KCNQ3: variants seen among roughly 807,000 people sequenced by gnomAD.
KCNQ3 encodes potassium voltage-gated channel subfamily Q member 3, also known as potassium voltage-gated channel subfamily KQT member 3.
A neutral mutation model predicts 92.5 loss-of-function variants in KCNQ3; 30 were observed. The ratio of observed to expected loss-of-function variants is 0.32; its 90% CI spans 0.24 to 0.44. The LOEUF (loss-of-function observed/expected upper bound fraction) is 0.44. Ranked by LOEUF, KCNQ3 falls within the 20% of genes least tolerant of loss-of-function variation. The probability of loss-of-function intolerance (pLI) is 1.00; values close to 1 mark genes in which losing one functional copy is unlikely to be tolerated. For missense variants in KCNQ3, 913 were observed against 1,140.3 expected (o/e 0.80, Z 2.87); for synonymous variants, 450 against 468.8 (o/e 0.96, Z 0.52).
chr8:132,409,623 C>T (rs1820594394), intron 1 of KCNQ3, among the ~76,000 whole-genome samples: 1 of 152,190 alleles, frequency 6.6e-6, no homozygotes, highest in African/African-American at 2.4e-5. Context: ...ACCTTCACAA[C>T]CTAATGTCTG....
At chr8:132,333,969 G>A (rs988444622) in intron 1 of KCNQ3, among the ~76,000 whole-genome samples, 2 of 151,746 alleles carry the variant, frequency 1.3e-5, no homozygotes, top group African/African-American at 2.4e-5. Flanking sequence ...TTGACCTCAA[G>A]TGACCCTCCC....
At chr8:132,347,440 T>A (rs1038670141) in intron 1 of KCNQ3, among the ~76,000 whole-genome samples, 2 of 152,158 alleles carry the variant, frequency 1.3e-5, no homozygotes, top group African/African-American at 4.8e-5. Flanking sequence ...AACAACACGG[T>A]TGTGTTCTTT....
intron 9 of KCNQ3, among the ~76,000 whole-genome samples, chr8:132,146,153 G>A (rs1400965566): frequency 6.6e-6 from 1 of 152,228 alleles, no homozygotes; most frequent in African/African-American, 2.4e-5. Flanking sequence ...TGAGGAGAAA[G>A]TATTTGAAGT....
chr8:132,479,920 C>T (rs1169999740), intron 1 of KCNQ3, among the ~76,000 whole-genome samples: 6 of 148,196 alleles, frequency 4.0e-5, no homozygotes, highest in Non-Finnish European at 7.4e-5. Context: ...GTTTTTTAAG[C>T]CCCTAGTGTG....
rs536777319 is a variant in KCNQ3, at chr8:132,353,045, C to T, written c.386+127102G>A. Among the ~76,000 whole-genome samples the T allele has an allele frequency of 1.3e-3, 194 of 152,104 alleles. 1 individual carries two copies. Among genetic ancestry groups the T allele is most frequent in the Middle Eastern group, 3.4e-3 (1 of 294 alleles). ...TTTGAGACCAGCCTGCCCAACATGG[C>T]GAAACACTGTCTCTACTGAAAATAC... On this transcript the variant is annotated intron_variant, in intron 1 of 14. Transcript: ENST00000388996.
intron 1 of KCNQ3, among the ~76,000 whole-genome samples, chr8:132,286,181 A>T (rs969858772): frequency 6.6e-6 from 1 of 152,186 alleles, no homozygotes; most frequent in Non-Finnish European, 1.5e-5. Context: ...GGGCCCCAGA[A>T]TACAGCCACT....
At chr8:132,424,171 C>A (rs929231566) in intron 1 of KCNQ3, among the ~76,000 whole-genome samples, 3 of 150,626 alleles carry the variant, frequency 2.0e-5, no homozygotes, top group Admixed American at 1.3e-4. Flanking sequence ...GCAAAGTGAA[C>A]TAGGGACAGA....
At chr8:132,420,025 C>A (rs984880482) in intron 1 of KCNQ3, among the ~76,000 whole-genome samples, 1 of 152,170 alleles carries the variant, frequency 6.6e-6, no homozygotes, top group Non-Finnish European at 1.5e-5. Flanking sequence ...TCTCACAGTT[C>A]TGGATACTGG....
chr8:132,378,885 A>C (rs772098559), intron 1 of KCNQ3, among the ~76,000 whole-genome samples: 1 of 152,242 alleles, frequency 6.6e-6, no homozygotes, highest in Non-Finnish European at 1.5e-5. Context: ...GTTTCCAAAC[A>C]TAATTGCAGA....
chr8:132,230,219 G>A (rs1814587794), intron 1 of KCNQ3, among the ~76,000 whole-genome samples: 1 of 152,144 alleles, frequency 6.6e-6, no homozygotes, highest in Non-Finnish European at 1.5e-5. Flanking sequence ...CTAGTAGGAA[G>A]TGACCCTGGA....
intron 1 of KCNQ3, among the ~76,000 whole-genome samples, chr8:132,284,742 A>T (rs1816628954): frequency 6.6e-6 from 1 of 152,194 alleles, no homozygotes; most frequent in Non-Finnish European, 1.5e-5. Flanking sequence ...CCTCGCCAAA[A>T]CTCATGTCAA....
intron 1 of KCNQ3, among the ~76,000 whole-genome samples, chr8:132,397,457 T>G (rs1361346548): frequency 6.6e-6 from 1 of 152,178 alleles, no homozygotes; most frequent in African/African-American, 2.4e-5. Context: ...GATGAGGGAA[T>G]CAGAATAAGA....
At chr8:132,302,572 C>T (rs150838694) in intron 1 of KCNQ3, among the ~76,000 whole-genome samples, 120 of 152,280 alleles carry the variant, frequency 7.9e-4, no homozygotes, top group African/African-American at 2.6e-3. Context: ...AAGGATGGTC[C>T]GGCTGGACAA....
At chr8:132,289,666 T>C (rs1172376162) in intron 1 of KCNQ3, among the ~76,000 whole-genome samples, 3 of 152,198 alleles carry the variant, frequency 2.0e-5, no homozygotes, top group Non-Finnish European at 1.5e-5. Context: ...ACATGTTCCA[T>C]GGGTAAAGAC....
rs1195934839 is a variant in KCNQ3 at position 132,283,092 on chromosome 8, C to CGTGTGTGTGTGTGTGTGT, written c.387-96929_387-96912dup. Among the ~76,000 whole-genome samples, 34 of 130,700 alleles carry CGTGTGTGTGTGTGTGTGT rather than the reference C, an allele frequency of 2.6e-4. 1 individual carries two copies. The highest frequency in any genetic ancestry group is 1.2e-3 in the South Asian group (5 of 4,030). The allele number at this position is 130,700 out of a possible 152,430, so 85.7% of individuals were successfully genotyped here. Reference sequence around the variant, plus strand: ...GATGAGGATCTCTCTCTCTCTCTCTCGTGTGTGTGTGTGTGTGTGTGTGTG... The same window carrying CGTGTGTGTGTGTGTGTGT: ...GATGAGGATCTCTCTCTCTCTCTCTCGTGTGTGTGTGTGTGTGTGTGTGTGTGTGTGTGTGTGTGTGTG... On this transcript the variant is annotated intron_variant, in intron 1 of 14. Coordinates refer to ENST00000388996, the MANE Select transcript of KCNQ3 (RefSeq NM_004519.4).
At chr8:132,194,265 A>G (rs1011137068) in intron 1 of KCNQ3, among the ~76,000 whole-genome samples, 1 of 152,222 alleles carries the variant, frequency 6.6e-6, no homozygotes, top group African/African-American at 2.4e-5. Context: ...CTTGGCCACC[A>G]TTACTGATCT....
At chr8:132,337,775 C>T (rs139466269) in intron 1 of KCNQ3, among the ~76,000 whole-genome samples, 146 of 152,288 alleles carry the variant, frequency 9.6e-4, no homozygotes, top group African/African-American at 3.3e-3. Context: ...TGCCTAGGCC[C>T]ATGCCTGGCA....
chr8:132,378,705 A>G (rs1819672078), intron 1 of KCNQ3, among the ~76,000 whole-genome samples: 1 of 152,208 alleles, frequency 6.6e-6, no homozygotes, highest in Non-Finnish European at 1.5e-5. Context: ...GATCTTGACT[A>G]GGCCAGAGGA....
Position 132,308,968 on chromosome 8 carries a change from G to A in KCNQ3, c.387-122787C>T, listed in dbSNP as rs148367860. 9.9e-3 allele frequency among the ~76,000 whole-genome samples: 1,509 copies of A among 152,312 alleles called. 11 individuals are homozygous for A. Among genetic ancestry groups the A allele is most frequent in the Non-Finnish European group, 0.016 (1,109 of 68,028 alleles). Reference sequence around the variant, plus strand: ...GATGAAAATTATTGTTCCTGGTTGTGTCTGTGAGGGTGTTGCCAAAGGAGA... The same window carrying A: ...GATGAAAATTATTGTTCCTGGTTGTATCTGTGAGGGTGTTGCCAAAGGAGA... On this transcript the variant is annotated intron_variant, in intron 1 of 14. Transcript: ENST00000388996.
Sources: allele counts gnomAD v4.1 joint callset (sites outside exome capture counted in the v4.1 genomes callset), GRCh38; gene constraint gnomAD v4.1.1; transcripts MANE v1.5; gene names NCBI Gene and HGNC (gene_info 2026-07-23, HGNC 2026-07-21).